Variants in AHI1 observed in about 807,000 individuals in gnomAD.
The protein encoded by AHI1 is jouberin.
Under a neutral mutation model 149.3 loss-of-function variants are expected in AHI1, and 123 were observed. That is an observed-to-expected ratio of 0.82 (90% CI 0.71 to 0.96). The LOEUF (loss-of-function observed/expected upper bound fraction) is 0.96. Ranked by LOEUF, AHI1 falls within the 40% of genes least tolerant of loss-of-function variation. AHI1 has a pLI of 0.00. For synonymous variants in AHI1, 475 were observed against 459.8 expected (o/e 1.03, Z -0.42); for missense variants, 1,439 against 1,422.7 (o/e 1.01, Z -0.18).
chr6:135,303,744 T>A (rs1784191272), intron 26 of AHI1, among the ~76,000 whole-genome samples: 1 of 152,186 alleles, frequency 6.6e-6, no homozygotes, highest in African/African-American at 2.4e-5. Flanking sequence ...ACAATTTTAT[T>A]CAAAAGGCTC....
At chr6:135,431,141 A>C in intron 17 of AHI1, 67 bp downstream of exon 17, 2 of 1,067,838 alleles carry the variant, frequency 1.9e-6, no homozygotes, top group Admixed American at 4.4e-5. Context: ...TCCTATCTTA[A>C]AGTCATGTGA....
chr6:135,347,531 T>A (rs1162740803), intron 24 of AHI1, among the ~76,000 whole-genome samples: 1 of 152,232 alleles, frequency 6.6e-6, no homozygotes, highest in East Asian at 1.9e-4. Context: ...AAGACCTTTT[T>A]TCTGTTTTCC....
Position 135,448,336 on chromosome 6 carries a change from G to A in AHI1, c.1580C>T (p.Pro527Leu), listed in dbSNP as rs750264231. The change falls in exon 12 of 29, where the codon CCA becomes CTA. Residue 527 changes from proline to leucine, a missense_variant. By Grantham distance (98) the Pro-to-Leu change is moderately conservative. Coordinates refer to ENST00000265602, the MANE Select transcript of AHI1 (RefSeq NM_001134831.2). ...WWSKCPRNHY[P>L]STLYVTVRGL... ...TCTTACAGTTACGTACAGTGTTGATGGGTAATGATTTCTTGGACATTTTGA... is the reference window on the plus strand; with the variant it reads ...TCTTACAGTTACGTACAGTGTTGATAGGTAATGATTTCTTGGACATTTTGA... 2.5e-6 allele frequency: 4 copies of A among 1,610,984 alleles called. No individual in the cohort carries two copies. The highest frequency in any genetic ancestry group is 2.2e-5 in the East Asian group (1 of 44,852).
chr6:135,435,690 C>G (rs191946423), intron 15 of AHI1, among the ~76,000 whole-genome samples: 2 of 152,216 alleles, frequency 1.3e-5, no homozygotes, highest in Admixed American at 1.3e-4. Flanking sequence ...AAAATTAAGG[C>G]ATTATGAAAG....
intron 10 of AHI1, among the ~76,000 whole-genome samples, chr6:135,454,982 G>A (rs2128074936): frequency 6.6e-6 from 1 of 152,252 alleles, no homozygotes; most frequent in Non-Finnish European, 1.5e-5. Context: ...GTCCCCTGCT[G>A]TTCCCATGCT....
intron 24 of AHI1, among the ~76,000 whole-genome samples, chr6:135,354,200 A>C (rs921273476): frequency 3.3e-5 from 5 of 152,136 alleles, no homozygotes; most frequent in Non-Finnish European, 7.4e-5. Context: ...TCACTGAATA[A>C]AAACTAAAAA....
intron 20 of AHI1, among the ~76,000 whole-genome samples, chr6:135,415,091 G>T (rs1228092291): frequency 2.7e-5 from 4 of 150,558 alleles, no homozygotes; most frequent in Non-Finnish European, 4.4e-5. Flanking sequence ...GCGATAGTTT[G>T]CTGAGAATAA....
intron 12 of AHI1, 21 bp downstream of exon 12, chr6:135,448,269 T>G (rs1583282052): frequency 6.6e-7 from 1 of 1,504,116 alleles, no homozygotes; most frequent in Non-Finnish European, 9.0e-7. Flanking sequence ...GATATACACT[T>G]AATATGTACT....
At chr6:135,493,807 A>G (rs1795588474) in intron 3 of AHI1, among the ~76,000 whole-genome samples, 1 of 152,096 alleles carries the variant, frequency 6.6e-6, no homozygotes, top group Non-Finnish European at 1.5e-5. Flanking sequence ...CTTGGGAAGG[A>G]TAAGGCGGGT....
At chr6:135,361,645 TCA>T (rs57786531) in intron 23 of AHI1, among the ~76,000 whole-genome samples, 23,086 of 133,478 alleles carry the variant, frequency 0.17, 1,953 homozygotes, top group Middle Eastern at 0.22. Flanking sequence ...AGGTATGGTT[TCA>T]CACACACACA....
intron 22 of AHI1, among the ~76,000 whole-genome samples, chr6:135,402,875 A>G (rs1780217423): frequency 6.6e-6 from 1 of 152,214 alleles, no homozygotes; most frequent in African/African-American, 2.4e-5. Context: ...TCCAGTCAAC[A>G]GCAGGCGATG....
At chr6:135,290,004 G>A (rs562517612) in intron 28 of AHI1, among the ~76,000 whole-genome samples, 80 of 152,062 alleles carry the variant, frequency 5.3e-4, no homozygotes, top group African/African-American at 1.8e-3. Context: ...TAGGCCCCCA[G>A]GGACTATCAC....
intron 4 of AHI1, 97 bp from the exon 5 acceptor site, chr6:135,490,844 G>A (rs997756123): frequency 1.3e-5 from 18 of 1,412,426 alleles, no homozygotes; most frequent in Middle Eastern, 1.8e-4. Context: ...TGTAAATATC[G>A]GCATGAGTTC....
At chr6:135,488,703 C>T (rs1010972414) in intron 5 of AHI1, among the ~76,000 whole-genome samples, 2 of 151,922 alleles carry the variant, frequency 1.3e-5, no homozygotes, top group Non-Finnish European at 2.9e-5. Context: ...ATTATGAATC[C>T]CTATTTTGAC....
intron 28 of AHI1, among the ~76,000 whole-genome samples, chr6:135,286,068 A>T (rs1260296729): frequency 6.6e-6 from 1 of 152,240 alleles, no homozygotes; most frequent in African/African-American, 2.4e-5. Context: ...AAGGATACAG[A>T]TAATTTTATT....
chr6:135,488,655 C>A (rs1378121974), intron 5 of AHI1, among the ~76,000 whole-genome samples: 4 of 152,004 alleles, frequency 2.6e-5, no homozygotes, highest in African/African-American at 9.7e-5. Flanking sequence ...TATTATTGTG[C>A]CTTATATATA....
chr6:135,317,757 A>C (rs1786197366), intron 26 of AHI1, among the ~76,000 whole-genome samples: 1 of 152,200 alleles, frequency 6.6e-6, no homozygotes, highest in Non-Finnish European at 1.5e-5. Context: ...GATATACGTC[A>C]GGTTCAACTG....
intron 24 of AHI1, among the ~76,000 whole-genome samples, chr6:135,344,375 TTTACA>T (rs1312729882): frequency 6.6e-6 from 1 of 150,938 alleles, no homozygotes; most frequent in African/African-American, 2.4e-5. Flanking sequence ...TATAAATATA[TTTACA>T]TTAAAAATTT....
chr6:135,423,431 A>G (rs2127998601), intron 20 of AHI1, among the ~76,000 whole-genome samples: 1 of 152,292 alleles, frequency 6.6e-6, no homozygotes, highest in East Asian at 1.9e-4. Context: ...TAAATAACAA[A>G]TTTTATAGGA....
Sources: allele counts gnomAD v4.1 joint callset (sites outside exome capture counted in the v4.1 genomes callset), GRCh38; gene constraint gnomAD v4.1.1; transcripts MANE v1.5; gene names NCBI Gene and HGNC (gene_info 2026-07-23, HGNC 2026-07-21).